PLCB4: variants seen among roughly 807,000 people sequenced by gnomAD.
PLCB4 encodes the protein 1-phosphatidylinositol 4,5-bisphosphate phosphodiesterase beta-4.
Under a neutral mutation model 178.8 loss-of-function variants are expected in PLCB4, and 77 were observed. The observed-to-expected ratio is 0.43, with a 90% CI of 0.36 to 0.52. PLCB4 has a LOEUF of 0.52. Ranked by LOEUF, PLCB4 falls within the 20% of genes least tolerant of loss-of-function variation. PLCB4 has a pLI of 0.00. For missense variants in PLCB4, 1,024 were observed against 1,453.4 expected (o/e 0.70, Z 4.80); for synonymous variants, 496 against 490.8 (o/e 1.01, Z -0.14).
At chr20:9,195,177 A>G (rs1384379429) in intron 2 of PLCB4, among the ~76,000 whole-genome samples, 1 of 152,188 alleles carries the variant, frequency 6.6e-6, no homozygotes, top group Non-Finnish European at 1.5e-5. Flanking sequence ...ATCATCCCGC[A>G]TATTCTTTTT....
In PLCB4 at chr20:9,339,109, C is replaced by A. The variant is rs559031251; in HGVS notation, c.369+72C>A. 1,400 of 1,132,034 alleles carry A rather than the reference C, an allele frequency of 1.2e-3. 24 individuals are homozygous for A. In the African/African-American group the frequency reaches 0.02, roughly 16 times the overall value. The allele number at this position is 1,132,034 out of a possible 1,614,324, so 70.1% of individuals were successfully genotyped here. A position where few individuals can be genotyped will look rare whatever the true frequency, so the allele number is the denominator to read the frequency against. On this transcript the variant is annotated intron_variant, in intron 7 of 39. Coordinates refer to ENST00000378473, the MANE Select transcript of PLCB4 (RefSeq NM_001377142.1). ...TGTTGTGTGTTTAATTTTATGCGTG[C>A]TATATTTTTATATACTTAAATTGTA...
At chr20:9,093,193 G>A (rs2146583067) in intron 1 of PLCB4, among the ~76,000 whole-genome samples, 1 of 152,318 alleles carries the variant, frequency 6.6e-6, no homozygotes, top group Non-Finnish European at 1.5e-5. Context: ...AAATATCTAA[G>A]TATGGTTGCG....
rs191419762 is a variant in PLCB4, at chr20:9,098,729, A to G, written c.-79+2387A>G. Among the ~76,000 whole-genome samples, 166 of 104,972 alleles carry G rather than the reference A, an allele frequency of 1.6e-3. 1 individual carries two copies. In the Middle Eastern group the frequency reaches 0.02, roughly 13 times the overall value. 68.9% of individuals were successfully genotyped at this position (104,972 alleles called of 152,430 possible). Reference sequence around the variant, plus strand: ...TATACATATATACGTGTGTGTGTATATATATACATATATGTGTGTGTGTGT... The same window carrying G: ...TATACATATATACGTGTGTGTGTATGTATATACATATATGTGTGTGTGTGT... On this transcript the variant is annotated intron_variant, in intron 2 of 39. Transcript: ENST00000378473.
chr20:9,287,072 A>C (rs1167227153), intron 3 of PLCB4, among the ~76,000 whole-genome samples: 1 of 151,996 alleles, frequency 6.6e-6, no homozygotes, highest in Non-Finnish European at 1.5e-5. Flanking sequence ...ATTTTTCAGC[A>C]TGTTTGTTAA....
chr20:9,338,129 G>A, intron 6 of PLCB4, 62 bp downstream of exon 6: 2 of 1,106,206 alleles, frequency 1.8e-6, no homozygotes, highest in Non-Finnish European at 2.8e-6. Flanking sequence ...AATGGCCATG[G>A]CTTCTAGAGA....
At chr20:9,433,332 A>T (rs1474602081) in intron 28 of PLCB4, among the ~76,000 whole-genome samples, 1 of 152,232 alleles carries the variant, frequency 6.6e-6, no homozygotes. Flanking sequence ...CTTAAGAGAC[A>T]TAATTATCAG....
intron 3 of PLCB4, among the ~76,000 whole-genome samples, chr20:9,267,765 T>C (rs2094363222): frequency 6.6e-6 from 1 of 152,140 alleles, no homozygotes; most frequent in African/African-American, 2.4e-5. Flanking sequence ...AATGTGGCAA[T>C]CACTTTAAGA....
intron 20 of PLCB4, 35 bp downstream of exon 20, chr20:9,401,625 G>T (rs752243266): frequency 1.4e-5 from 19 of 1,367,374 alleles, no homozygotes; most frequent in Non-Finnish European, 2.1e-6. Context: ...CTCTCAAGAG[G>T]TAGCAGCTGT....
chr20:9,112,671 C>T (rs1403846839), intron 2 of PLCB4, among the ~76,000 whole-genome samples: 3 of 152,082 alleles, frequency 2.0e-5, no homozygotes, highest in African/African-American at 4.8e-5. Flanking sequence ...GTTTTATAAA[C>T]AGCTTATCTG....
intron 25 of PLCB4, among the ~76,000 whole-genome samples, chr20:9,413,979 T>C (rs902993280): frequency 1.3e-5 from 2 of 152,212 alleles, no homozygotes; most frequent in African/African-American, 4.8e-5. Flanking sequence ...CTCGAACTCT[T>C]GAGCTCAGGC....
intron 4 of PLCB4, among the ~76,000 whole-genome samples, chr20:9,328,074 C>T (rs1457390781): frequency 1.3e-5 from 2 of 151,976 alleles, no homozygotes; most frequent in Non-Finnish European, 2.9e-5. Flanking sequence ...ATATGTACCA[C>T]CAGATAAAAT....
chr20:9,435,411 C>A, intron 28 of PLCB4, 149 bp from the exon 29 acceptor site: 2 of 486,240 alleles, frequency 4.1e-6, no homozygotes, highest in Non-Finnish European at 7.3e-6. Context: ...ACTAGCTGTG[C>A]CTTCCTCAGT....
At chr20:9,434,643 TG>T (rs1339145472) in intron 28 of PLCB4, among the ~76,000 whole-genome samples, 4 of 152,160 alleles carry the variant, frequency 2.6e-5, no homozygotes, top group Non-Finnish European at 5.9e-5. Flanking sequence ...CCCAAAGTAC[TG>T]GGATTACCGG....
At chr20:9,179,443 C>T (rs1304374312) in intron 2 of PLCB4, among the ~76,000 whole-genome samples, 1 of 152,116 alleles carries the variant, frequency 6.6e-6, no homozygotes, top group Non-Finnish European at 1.5e-5. Context: ...TGGATGATTC[C>T]TCTAGAGCCT....
At chr20:9,346,848 T>G (rs2033848139) in intron 7 of PLCB4, among the ~76,000 whole-genome samples, 1 of 152,220 alleles carries the variant, frequency 6.6e-6, no homozygotes, top group South Asian at 2.1e-4. Context: ...ACCACCAGTC[T>G]CTGCCTTACA....
intron 17 of PLCB4, among the ~76,000 whole-genome samples, chr20:9,392,219 G>A (rs2038205852): frequency 6.6e-6 from 1 of 152,170 alleles, no homozygotes; most frequent in South Asian, 2.1e-4. Flanking sequence ...CGGACAAAAT[G>A]CACAAACAAA....
At chr20:9,356,961 C>T (rs1260546065) in intron 7 of PLCB4, among the ~76,000 whole-genome samples, 1 of 151,916 alleles carries the variant, frequency 6.6e-6, no homozygotes, top group Non-Finnish European at 1.5e-5. Flanking sequence ...GCAAAAAATA[C>T]CAAAATTGGC....
chr20:9,074,832 A>ATTTT lies in PLCB4; in HGVS notation c.-135+5626_-135+5627insTTTT, dbSNP rs549956475. 5.5e-3 allele frequency among the ~76,000 whole-genome samples: 724 copies of ATTTT among 131,212 alleles called. 38 individuals are homozygous for ATTTT. Among genetic ancestry groups the ATTTT allele is most frequent in the African/African-American group, 0.018 (620 of 35,124 alleles). The allele number at this position is 131,212 out of a possible 152,430, so 86.1% of individuals were successfully genotyped here. ...TAAACAAAACAAAACAAAACAAAAC[A>ATTTT]AAACAAAACAAAACAAAACATATTA... On this transcript the variant is annotated intron_variant, in intron 1 of 39. Transcript: ENST00000378473.
At position 9,444,930 on chromosome 20, in the gene PLCB4, C is replaced by G. The variant is rs2042323880; in HGVS notation, c.2880+687C>G. ...TAGCAATCTGTCAACCTCCCACTCACAGCACCTAGAGAGAGAACACTTGTC... is the reference window on the plus strand; with the variant it reads ...TAGCAATCTGTCAACCTCCCACTCAGAGCACCTAGAGAGAGAACACTTGTC... On this transcript the variant is annotated intron_variant, in intron 32 of 39. Coordinates refer to ENST00000378473, the MANE Select transcript of PLCB4 (RefSeq NM_001377142.1). Among the ~76,000 whole-genome samples the G allele has an allele frequency of 2.0e-5, 3 of 152,334 alleles. No homozygotes were observed. In the Middle Eastern group the frequency reaches 0.01, roughly 518 times the overall value.
Sources: gnomAD v4.1 joint callset for allele counts (sites outside exome capture counted in the v4.1 genomes callset) on GRCh38, gnomAD v4.1.1 for gene constraint, MANE v1.5 for transcripts, NCBI Gene and HGNC (gene_info 2026-07-23, HGNC 2026-07-21) for gene names.